Variants in RAB18 observed in about 807,000 individuals in gnomAD.
RAB18 encodes RAB18, member RAS oncogene family.
RAB18 carries 10 observed loss-of-function variants against 28.5 expected under a neutral mutation model. The ratio of observed to expected loss-of-function variants is 0.35; its 90% CI spans 0.22 to 0.60. The LOEUF is 0.60. Ranked by LOEUF, RAB18 falls within the 20% of genes least tolerant of loss-of-function variation. RAB18 has a pLI of 0.78. For synonymous variants in RAB18, 93 were observed against 86.9 expected, an observed-to-expected ratio of 1.07 and a Z score of -0.39; for missense variants, 188 against 244.2, an observed-to-expected ratio of 0.77 and a Z score of 1.53.
chr10:27,526,883 A>G lies in RAB18; in HGVS notation c.180A>G (p.Ala60=), dbSNP rs1184067133. ...TGGATGGAAATAAGGCTAAACTTGC[A>G]ATATGGGTAAGAGTTTTTAAAATGT... ...ISVDGNKAKL[A]IWDTAGQERF... Residue 60 remains alanine, a synonymous_variant, in exon 3 of 7, where the codon GCA becomes GCG. Transcript: ENST00000356940. The G allele has an allele frequency of 2.5e-6, 4 of 1,612,486 alleles. No homozygotes were observed. The highest frequency in any genetic ancestry group is 3.4e-6 in the Non-Finnish European group (4 of 1,178,910).
Position 27,538,665 on chromosome 10 carries a change from T to C in RAB18, c.*614T>C, listed in dbSNP as rs1379164676. 6 of 453,824 alleles carry C rather than the reference T, an allele frequency of 1.3e-5. No individual in the cohort carries two copies. The highest frequency in any genetic ancestry group is 2.2e-5 in the Non-Finnish European group (5 of 226,598). 28.1% of individuals were successfully genotyped at this position (453,824 alleles called of 1,614,324 possible). On this transcript the variant is annotated 3_prime_UTR_variant, in exon 7 of 7. Transcript: ENST00000356940. ...GGTTAAAGAAGCTTGGTATTTTTAA[T>C]TTACTTCAATGATTAGCTCAGTTGC...
intron 3 of RAB18, among the ~76,000 whole-genome samples, chr10:27,530,310 C>T (rs1176305495): frequency 2.6e-5 from 4 of 151,872 alleles, no homozygotes; most frequent in Non-Finnish European, 5.9e-5. Flanking sequence ...TCTTAAATTT[C>T]CAAATTCACT....
Position 27,539,937 on chromosome 10 carries a change from G to A in RAB18, c.*1886G>A, listed in dbSNP as rs2132419165. The A allele has an allele frequency of 4.4e-6, 2 of 453,098 alleles. No individual in the cohort carries two copies. Among genetic ancestry groups the A allele is most frequent in the South Asian group, 3.1e-5 (2 of 64,220 alleles). 28.1% of individuals were successfully genotyped at this position (453,098 alleles called of 1,614,324 possible). ...GTGGCTTTCATTTTGTTGTTTTGTT[G>A]CAAGCTTAGTGTTTTGTAGTGGAGG... On this transcript the variant is annotated 3_prime_UTR_variant, in exon 7 of 7. Transcript: ENST00000356940.
intron 2 of RAB18, among the ~76,000 whole-genome samples, chr10:27,522,124 C>T (rs1251709222): frequency 6.6e-6 from 1 of 152,112 alleles, no homozygotes; most frequent in Non-Finnish European, 1.5e-5. Context: ...TCAGTATTTT[C>T]AGTGGAGGGC....
In RAB18 at chr10:27,538,013, G is replaced by A; in HGVS notation, c.583G>A (p.Gly195Arg). 1.2e-6 allele frequency: 2 copies of A among 1,614,156 alleles called. No individual in the cohort carries two copies. Among genetic ancestry groups the A allele is most frequent in the Non-Finnish European group, 8.5e-7 (1 of 1,179,994 alleles). The change falls in exon 7 of 7, where the codon GGA becomes AGA. Residue 195 changes from glycine to arginine, a missense_variant. Physicochemically the swap from Gly to Arg is moderately radical, Grantham distance 125 (BLOSUM62 -2). Transcript: ENST00000356940. ...VKLSHREEGQ[G>R]GGACGGYCSV... ...ACTGTCACACAGGGAAGAAGGCCAA[G>A]GAGGAGGAGCCTGTGGTGGTTATTG...
intron 2 of RAB18, among the ~76,000 whole-genome samples, chr10:27,512,437 C>T (rs1390114714): frequency 1.3e-5 from 2 of 152,036 alleles, no homozygotes; most frequent in Non-Finnish European, 2.9e-5. Context: ...TCCTGTGTAG[C>T]TGGGACTACA....
chr10:27,512,991 A>ATTACTTTCAGCC (rs1834353925), intron 2 of RAB18, among the ~76,000 whole-genome samples: 1 of 150,438 alleles, frequency 6.6e-6, no homozygotes, highest in Non-Finnish European at 1.5e-5. Context: ...GAAGCATCAG[A>ATTACTTTCAGCC]TTACTTTCAG....
At chr10:27,533,230 A>G (rs756847527) in intron 4 of RAB18, among the ~76,000 whole-genome samples, 3 of 152,110 alleles carry the variant, frequency 2.0e-5, no homozygotes, top group South Asian at 4.1e-4. Context: ...GCAGAATGAC[A>G]TAAGATGAAA....
intron 3 of RAB18, among the ~76,000 whole-genome samples, chr10:27,531,376 C>A (rs1391777536): frequency 1.3e-5 from 2 of 152,136 alleles, no homozygotes; most frequent in East Asian, 1.9e-4. Context: ...GGTTTGAATT[C>A]TTCTCCAATC....
chr10:27,522,306 T>C (rs563323347), intron 2 of RAB18, among the ~76,000 whole-genome samples: 4 of 152,302 alleles, frequency 2.6e-5, no homozygotes, highest in East Asian at 3.9e-4. Flanking sequence ...TATCAAAATA[T>C]TTTGTTTTAG....
chr10:27,507,804 G>T (rs1483419324), intron 1 of RAB18, among the ~76,000 whole-genome samples: 3 of 151,902 alleles, frequency 2.0e-5, no homozygotes, highest in African/African-American at 7.3e-5. Context: ...TCGGGAGGCT[G>T]AGACAGGAGG....
chr10:27,504,501 C>T lies in RAB18; in HGVS notation c.68+64C>T, dbSNP rs566069477. On this transcript the variant is annotated intron_variant, in intron 1 of 6. Coordinates refer to ENST00000356940, the MANE Select transcript of RAB18 (RefSeq NM_021252.5). ...CTCTTTCTGCCCCGGTGGCTGCTGT[C>T]TCCTGGGCCGCGACGGGAACTGTAA... 3.0e-5 allele frequency: 46 copies of T among 1,516,458 alleles called. No homozygotes were observed. In the South Asian group the frequency reaches 5.0e-4, roughly 17 times the overall value. 93.9% of individuals were successfully genotyped at this position (1,516,458 alleles called of 1,614,324 possible). A position where few individuals can be genotyped will look rare whatever the true frequency, so the allele number is the denominator to read the frequency against.
chr10:27,526,824 T>G lies in RAB18; in HGVS notation c.125-4T>G, dbSNP rs959062693. 2 of 1,613,126 alleles carry G rather than the reference T, an allele frequency of 1.2e-6. No homozygotes were observed. Among genetic ancestry groups the G allele is most frequent in the African/African-American group, 2.7e-5 (2 of 74,890 alleles). On this transcript the variant is annotated splice_region_variant and splice_polypyrimidine_tract_variant and intron_variant, in intron 2 of 6. Transcript: ENST00000356940. ...AGACTTATCAAAATTTTCATTTCTT[T>G]AAGGTGTTGACTTTAAGGTGAAAAC...
chr10:27,541,084 T>G lies in RAB18; in HGVS notation c.*3033T>G, dbSNP rs746415214. The G allele has an allele frequency of 2.2e-6, 1 of 453,920 alleles. No individual in the cohort carries two copies. Among genetic ancestry groups the G allele is most frequent in the South Asian group, 1.6e-5 (1 of 64,464 alleles). 28.1% of individuals were successfully genotyped at this position (453,920 alleles called of 1,614,324 possible). A position where few individuals can be genotyped will look rare whatever the true frequency, so the allele number is the denominator to read the frequency against. On this transcript the variant is annotated 3_prime_UTR_variant, in exon 7 of 7. Coordinates refer to ENST00000356940, the MANE Select transcript of RAB18 (RefSeq NM_021252.5). The stretch of plus-strand genomic sequence containing the variant: ...CCTCTCCATATTCAAGCATTATGCT[T>G]CTCTTTCTTGGGGGTACATTTCACT...
In RAB18 at chr10:27,538,529, T is replaced by C. The variant is rs1310728957; in HGVS notation, c.*478T>C. The C allele has an allele frequency of 4.4e-6, 2 of 454,498 alleles. No homozygotes were observed. The highest frequency in any genetic ancestry group is 4.0e-5 in the African/African-American group (2 of 50,020). 28.2% of individuals were successfully genotyped at this position (454,498 alleles called of 1,614,324 possible). On this transcript the variant is annotated 3_prime_UTR_variant, in exon 7 of 7. Coordinates refer to ENST00000356940, the MANE Select transcript of RAB18 (RefSeq NM_021252.5). ...TGATTCCACAGCTTTTCTGGGATGT[T>C]TGAGATTCTTTTTTAGTACTAAGCA... is the stretch of plus-strand genomic sequence containing the variant.
intron 3 of RAB18, among the ~76,000 whole-genome samples, chr10:27,527,633 CAT>C (rs1165754924): frequency 2.0e-5 from 3 of 151,544 alleles, no homozygotes; most frequent in Admixed American, 1.3e-4. Context: ...CTATTTTTCA[CAT>C]AGACTGTGAT....
chr10:27,536,078 T>C (rs1193793121), intron 6 of RAB18, among the ~76,000 whole-genome samples: 1 of 139,152 alleles, frequency 7.2e-6, no homozygotes, highest in East Asian at 2.0e-4. Flanking sequence ...CGAGACTCTG[T>C]CTCAAAAAAA....
chr10:27,526,416 G>GACA (rs1023272980), intron 2 of RAB18, among the ~76,000 whole-genome samples: 7 of 152,160 alleles, frequency 4.6e-5, no homozygotes, highest in African/African-American at 1.7e-4. Context: ...GCTGGCAGTG[G>GACA]ACAGCACTCT....
intron 2 of RAB18, chr10:27,513,865 A>G (rs1564828703): frequency 6.6e-6 from 1 of 152,248 alleles, no homozygotes; most frequent in Non-Finnish European, 1.5e-5. Flanking sequence ...GCTTTCCTGC[A>G]CCTGGTTTAA....
Sources: gnomAD v4.1 joint callset for allele counts (sites outside exome capture counted in the v4.1 genomes callset) on GRCh38, gnomAD v4.1.1 for gene constraint, MANE v1.5 for transcripts, NCBI Gene and HGNC (gene_info 2026-07-23, HGNC 2026-07-21) for gene names.